Variants in SVOPL observed in about 807,000 individuals in gnomAD.
The protein encoded by SVOPL is putative transporter SVOPL.
Under a neutral mutation model 61.0 loss-of-function variants are expected in SVOPL, and 60 were observed. The observed-to-expected ratio is 0.98, with a 90% CI of 0.80 to 1.22. The LOEUF (loss-of-function observed/expected upper bound fraction) is 1.22. SVOPL is among the 50% of genes most tolerant of loss of function. The probability of loss-of-function intolerance (pLI) is 0.00; values close to 1 mark genes in which losing one functional copy is unlikely to be tolerated. For missense variants in SVOPL, 662 were observed against 643.9 expected (o/e 1.03, Z -0.30); for synonymous variants, 279 against 250.0 (o/e 1.12, Z -1.09).
intron 15 of SVOPL, among the ~76,000 whole-genome samples, chr7:138,596,114 A>G (rs980711735): frequency 1.3e-5 from 2 of 150,778 alleles, no homozygotes; most frequent in African/African-American, 4.9e-5. Context: ...ACTTAAACCC[A>G]GGAGGTGGAG....
At chr7:138,608,006 C>A (rs1798829940) in intron 14 of SVOPL, among the ~76,000 whole-genome samples, 1 of 152,092 alleles carries the variant, frequency 6.6e-6, no homozygotes, top group South Asian at 2.1e-4. Flanking sequence ...AGAAAACAAT[C>A]CATTCCTAAT....
chr7:138,648,217 C>A (rs1176541649), intron 8 of SVOPL, among the ~76,000 whole-genome samples: 4 of 151,968 alleles, frequency 2.6e-5, no homozygotes, highest in Non-Finnish European at 4.4e-5. Flanking sequence ...CAGGACGGAG[C>A]CGTCAGACAA....
chr7:138,672,827 A>G (rs1004005301), intron 3 of SVOPL, among the ~76,000 whole-genome samples: 4 of 151,806 alleles, frequency 2.6e-5, no homozygotes, highest in Admixed American at 1.3e-4. Context: ...AATGCTACTA[A>G]ATATTTCTTT....
chr7:138,612,758 A>G lies in SVOPL; in HGVS notation c.1353+8288T>C, dbSNP rs547472570. ...TCGAACTCCTGACCTCAGATGATCA[A>G]TCAGCCTCGGCCTCCCAAAGTGCTG... is the stretch of plus-strand genomic sequence containing the variant. On this transcript the variant is annotated intron_variant, in intron 14 of 15. Coordinates refer to ENST00000674285, the MANE Select transcript of SVOPL (RefSeq NM_001139456.2). Among the ~76,000 whole-genome samples the G allele has an allele frequency of 2.6e-5, 4 of 152,112 alleles. No homozygotes were observed. In the South Asian group the frequency reaches 8.3e-4, roughly 32 times the overall value.
intron 13 of SVOPL, among the ~76,000 whole-genome samples, chr7:138,624,003 A>G (rs947493880): frequency 6.6e-6 from 1 of 152,070 alleles, no homozygotes; most frequent in African/African-American, 2.4e-5. Flanking sequence ...CATTTTTAAT[A>G]GAGACGGGGT....
intron 14 of SVOPL, among the ~76,000 whole-genome samples, chr7:138,605,700 C>T (rs189834550): frequency 6.8e-6 from 1 of 147,622 alleles, no homozygotes; most frequent in East Asian, 2.0e-4. Context: ...AGATAAAACA[C>T]ATAACCACAA....
chr7:138,659,806 A>C (rs778095428), intron 6 of SVOPL, 58 bp downstream of exon 6: 63 of 1,500,578 alleles, frequency 4.2e-5, no homozygotes, highest in Non-Finnish European at 5.4e-5. Flanking sequence ...GTGTGTGTGC[A>C]TCAGGGCCTG....
chr7:138,617,098 A>G (rs1799334244), intron 14 of SVOPL, among the ~76,000 whole-genome samples: 2 of 152,050 alleles, frequency 1.3e-5, no homozygotes, highest in African/African-American at 2.4e-5. Context: ...CCTCCCAACT[A>G]TCTGGGATTA....
At chr7:138,631,879 C>G (rs1254566529) in intron 9 of SVOPL, among the ~76,000 whole-genome samples, 1 of 151,394 alleles carries the variant, frequency 6.6e-6, no homozygotes, top group East Asian at 1.9e-4. Flanking sequence ...GGCTCACTCT[C>G]CTTTTAGTGT....
In SVOPL at chr7:138,680,168, CTT is replaced by C. The variant is rs1232394704; in HGVS notation, c.-34-1091_-34-1090del. The stretch of plus-strand genomic sequence containing the variant: ...AGTGTGCTTTCTTGCATGTCATTGT[CTT>C]TTTTTTTTTTTTTTTTTGAGGCAGA... On this transcript the variant is annotated intron_variant, in intron 1 of 15. Transcript: ENST00000674285. Among the ~76,000 whole-genome samples, 1,200 of 135,184 alleles carry C rather than the reference CTT, an allele frequency of 8.9e-3. 14 individuals are homozygous for C. The highest frequency in any genetic ancestry group is 0.031 in the African/African-American group (1,138 of 37,236). The allele number at this position is 135,184 out of a possible 152,430, so 88.7% of individuals were successfully genotyped here. A position where few individuals can be genotyped will look rare whatever the true frequency, so the allele number is the denominator to read the frequency against.
chr7:138,676,072 G>C (rs1282757759), intron 3 of SVOPL, among the ~76,000 whole-genome samples: 1 of 152,216 alleles, frequency 6.6e-6, no homozygotes, highest in African/African-American at 2.4e-5. Flanking sequence ...CTGACCTCAG[G>C]TGATCCACCG....
In SVOPL at chr7:138,698,941, A is replaced by G. The variant is rs1803130546; in HGVS notation, c.-35+2237T>C. On this transcript the variant is annotated intron_variant, in intron 1 of 15. Coordinates refer to ENST00000674285, the MANE Select transcript of SVOPL (RefSeq NM_001139456.2). Reference sequence around the variant, plus strand: ...CCAGGAGGGTGGATCACCTGAGGTCAGGAGTTTGGGACCAGCCTGGGGAAC... The same window carrying G: ...CCAGGAGGGTGGATCACCTGAGGTCGGGAGTTTGGGACCAGCCTGGGGAAC... Among the ~76,000 whole-genome samples the G allele has an allele frequency of 2.6e-5, 4 of 152,230 alleles. No homozygotes were observed. In the South Asian group the frequency reaches 8.3e-4, roughly 32 times the overall value.
intron 4 of SVOPL, chr7:138,663,581 T>C: frequency 1.0e-6 from 1 of 990,656 alleles, no homozygotes; most frequent in African/African-American, 1.7e-5. Flanking sequence ...ATCACTCATT[T>C]AAAAAACTCT....
intron 14 of SVOPL, among the ~76,000 whole-genome samples, chr7:138,608,141 C>G (rs1383384494): frequency 6.6e-6 from 1 of 152,180 alleles, no homozygotes; most frequent in Non-Finnish European, 1.5e-5. Flanking sequence ...AAGAGACAAA[C>G]CTTGTTCTTG....
chr7:138,693,533 G>GAAAGAAAA (rs1802991517), intron 1 of SVOPL, among the ~76,000 whole-genome samples: 1 of 42,678 alleles, frequency 2.3e-5, no homozygotes, highest in Non-Finnish European at 4.4e-5. Context: ...GAAAGAAAAA[G>GAAAGAAAA]AAAGAAAGAA....
At chr7:138,696,872 G>A (rs1803075420) in intron 1 of SVOPL, among the ~76,000 whole-genome samples, 1 of 152,138 alleles carries the variant, frequency 6.6e-6, no homozygotes, top group African/African-American at 2.4e-5. Context: ...GCCCAGCCAA[G>A]GCCTGTGTTT....
At chr7:138,616,775 G>T (rs76168087) in intron 14 of SVOPL, among the ~76,000 whole-genome samples, 2,146 of 152,172 alleles carry the variant, frequency 0.014, 56 homozygotes, top group African/African-American at 0.049. Flanking sequence ...TTTTCAGTGG[G>T]TGAATTATTA....
At chr7:138,618,703 C>T (rs370658564) in intron 14 of SVOPL, among the ~76,000 whole-genome samples, 1 of 133,202 alleles carries the variant, frequency 7.5e-6, no homozygotes, top group African/African-American at 2.7e-5. Flanking sequence ...CACGCGTGCA[C>T]ACGCGCGAGA....
intron 15 of SVOPL, among the ~76,000 whole-genome samples, chr7:138,595,347 G>GATTTTTCC (rs964601114): frequency 5.3e-5 from 8 of 152,132 alleles, no homozygotes; most frequent in Non-Finnish European, 1.2e-4. Flanking sequence ...TGTATTTTAA[G>GATTTTTCC]ATTTTTCCCA....
Sources: gnomAD v4.1 joint callset for allele counts (sites outside exome capture counted in the v4.1 genomes callset) on GRCh38, gnomAD v4.1.1 for gene constraint, MANE v1.5 for transcripts, NCBI Gene and HGNC (gene_info 2026-07-23, HGNC 2026-07-21) for gene names.